LRRC4C: variants seen among roughly 807,000 people sequenced by gnomAD.
The protein encoded by LRRC4C is leucine rich repeat containing 4C, also known as leucine-rich repeat-containing protein 4C.
In LRRC4C, 5 loss-of-function variants were observed where a neutral mutation model predicts 33.6. The observed-to-expected ratio is 0.15, with a 90% CI of 0.08 to 0.31. LRRC4C has a LOEUF of 0.31. Ranked by LOEUF, LRRC4C falls within the 10% of genes least tolerant of loss-of-function variation. The pLI is 1.00. For synonymous variants in LRRC4C, 329 were observed against 302.0 expected, an observed-to-expected ratio of 1.09 and a Z score of -0.93; for missense variants, 560 against 796.7, an observed-to-expected ratio of 0.70 and a Z score of 3.58.
At chr11:40,546,450 G>T (rs551460831) in intron 3 of LRRC4C, among the ~76,000 whole-genome samples, 5 of 151,978 alleles carry the variant, frequency 3.3e-5, no homozygotes, top group African/African-American at 1.2e-4. Context: ...GCCACATTGG[G>T]ATCAATTTTA....
intron 3 of LRRC4C, among the ~76,000 whole-genome samples, chr11:40,541,630 T>G (rs192330632): frequency 6.6e-6 from 1 of 152,276 alleles, no homozygotes; most frequent in African/African-American, 2.4e-5. Context: ...CCCTAGACTG[T>G]ATTGGAGCAC....
chr11:41,108,307 CT>C (rs1303958189), intron 1 of LRRC4C, among the ~76,000 whole-genome samples: 3 of 152,088 alleles, frequency 2.0e-5, no homozygotes, highest in Admixed American at 2.0e-4. Flanking sequence ...CTTGCTTAAT[CT>C]TTTCTTTATA....
chr11:40,695,618 C>G (rs1202510803), intron 2 of LRRC4C, among the ~76,000 whole-genome samples: 3 of 152,070 alleles, frequency 2.0e-5, no homozygotes, highest in Non-Finnish European at 4.4e-5. Context: ...GATGGCAGCA[C>G]CAGCTGTTTT....
intron 2 of LRRC4C, among the ~76,000 whole-genome samples, chr11:40,710,701 C>A (rs996315262): frequency 2.6e-5 from 4 of 152,214 alleles, no homozygotes; most frequent in African/African-American, 9.6e-5. Context: ...AGCTCAAACA[C>A]TCTGCTGGGA....
chr11:40,788,491 C>T (rs961867051), intron 2 of LRRC4C, among the ~76,000 whole-genome samples: 1 of 152,130 alleles, frequency 6.6e-6, no homozygotes, highest in Non-Finnish European at 1.5e-5. Context: ...CAGTCAAATA[C>T]AAGCAAAGCT....
At chr11:40,368,857 G>C (rs1371232668) in intron 3 of LRRC4C, among the ~76,000 whole-genome samples, 1 of 152,062 alleles carries the variant, frequency 6.6e-6, no homozygotes, top group Non-Finnish European at 1.5e-5. Flanking sequence ...GTCACCTTGG[G>C]TAAGTCTTTA....
At chr11:40,472,650 C>CA (rs1446335740) in intron 3 of LRRC4C, among the ~76,000 whole-genome samples, 3 of 151,546 alleles carry the variant, frequency 2.0e-5, no homozygotes, top group Admixed American at 6.6e-5. Flanking sequence ...AATAACCCCT[C>CA]AAAAAATCAA....
chr11:41,299,905 G>T lies in LRRC4C; in HGVS notation c.-496+159526C>A, dbSNP rs947965099. Reference sequence around the variant, plus strand: ...ACTGGACCAAAATAAACAAACTGATGGTTGATATATATAGGAAAGCACATT... The same window carrying T: ...ACTGGACCAAAATAAACAAACTGATTGTTGATATATATAGGAAAGCACATT... On this transcript the variant is annotated intron_variant, in intron 1 of 6. Transcript: ENST00000528697. Among the ~76,000 whole-genome samples the T allele has an allele frequency of 5.3e-5, 8 of 152,138 alleles. No homozygotes were observed. In the South Asian group the frequency reaches 1.0e-3, roughly 20 times the overall value.
intron 1 of LRRC4C, among the ~76,000 whole-genome samples, chr11:41,198,777 C>T (rs184817970): frequency 2.6e-5 from 4 of 151,704 alleles, no homozygotes; most frequent in South Asian, 4.2e-4. Context: ...GAAGTCCCAG[C>T]GAAATAACCA....
intron 2 of LRRC4C, among the ~76,000 whole-genome samples, chr11:40,717,746 A>C (rs937511385): frequency 6.6e-6 from 1 of 152,204 alleles, no homozygotes; most frequent in African/African-American, 2.4e-5. Context: ...GGCTCCGATC[A>C]GGCACAAACA....
intron 3 of LRRC4C, among the ~76,000 whole-genome samples, chr11:40,608,011 C>T (rs1183760413): frequency 7.9e-5 from 12 of 152,038 alleles, no homozygotes; most frequent in African/African-American, 2.9e-4. Flanking sequence ...AAAACCTTTC[C>T]CATTTCAAAG....
chr11:40,665,296 T>A (rs1943663647), intron 2 of LRRC4C, among the ~76,000 whole-genome samples: 1 of 83,990 alleles, frequency 1.2e-5, no homozygotes, highest in Admixed American at 1.5e-4. Context: ...AGCCCTGGGG[T>A]CATTGCTTTC....
intron 1 of LRRC4C, among the ~76,000 whole-genome samples, chr11:40,982,184 A>T (rs1482649304): frequency 6.6e-6 from 1 of 152,204 alleles, no homozygotes; most frequent in Non-Finnish European, 1.5e-5. Flanking sequence ...GAGACATGCA[A>T]ATATATTTTG....
chr11:40,190,828 T>C (rs935526917), intron 5 of LRRC4C, among the ~76,000 whole-genome samples: 1 of 152,186 alleles, frequency 6.6e-6, no homozygotes, highest in Non-Finnish European at 1.5e-5. Context: ...ATGACAATGA[T>C]AGAAAATTGG....
At chr11:40,329,772 CAA>C (rs1946274267) in intron 3 of LRRC4C, among the ~76,000 whole-genome samples, 1 of 133,360 alleles carries the variant, frequency 7.5e-6, no homozygotes. Context: ...GATGGAGTCT[CAA>C]TCTGTCGCCC....
chr11:41,240,821 G>C (rs373288537), intron 1 of LRRC4C, among the ~76,000 whole-genome samples: 242 of 151,894 alleles, frequency 1.6e-3, no homozygotes, highest in African/African-American at 5.7e-3. Context: ...TAACACACAC[G>C]CACACACACA....
At chr11:41,108,934 T>C (rs1398850257) in intron 1 of LRRC4C, among the ~76,000 whole-genome samples, 2 of 152,112 alleles carry the variant, frequency 1.3e-5, no homozygotes, top group Non-Finnish European at 2.9e-5. Context: ...CCACGTTCAT[T>C]CCCACAGTTG....
At chr11:40,162,380 T>A (rs962582743) in intron 5 of LRRC4C, among the ~76,000 whole-genome samples, 71 of 152,084 alleles carry the variant, frequency 4.7e-4, no homozygotes, top group African/African-American at 1.5e-3. Flanking sequence ...GAGATATAGA[T>A]GAAACAGATA....
chr11:41,388,637 G>A (rs1953458485), intron 1 of LRRC4C, among the ~76,000 whole-genome samples: 1 of 151,860 alleles, frequency 6.6e-6, no homozygotes. Flanking sequence ...TGGTAAACTA[G>A]GGAAAACATC....
Sources: gnomAD v4.1 joint callset for allele counts (sites outside exome capture counted in the v4.1 genomes callset) on GRCh38, gnomAD v4.1.1 for gene constraint, MANE v1.5 for transcripts, NCBI Gene and HGNC (gene_info 2026-07-23, HGNC 2026-07-21) for gene names.